Variants in CACNA1C observed in about 807,000 individuals in gnomAD.
CACNA1C encodes calcium voltage-gated channel subunit alpha1 C.
CACNA1C carries 30 observed loss-of-function variants against 229.0 expected under a neutral mutation model. The ratio of observed to expected loss-of-function variants is 0.13; its 90% CI spans 0.10 to 0.18. CACNA1C has a LOEUF of 0.18. Ranked by LOEUF, CACNA1C falls within the 10% of genes least tolerant of loss-of-function variation. CACNA1C has a pLI of 1.00. For synonymous variants in CACNA1C, 1,114 were observed against 1,132.5 expected (o/e 0.98, Z 0.33); for missense variants, 1,658 against 2,845.0 (o/e 0.58, Z 9.49).
At chr12:2,220,620 C>T (rs904670196) in intron 3 of CACNA1C, 9 of 152,230 alleles carry the variant, frequency 5.9e-5, no homozygotes, top group Non-Finnish European at 1.0e-4. Flanking sequence ...CTTGACTCAC[C>T]ATTGTTTGTG....
At chr12:2,182,454 C>A (rs1181435107) in intron 3 of CACNA1C, among the ~76,000 whole-genome samples, 1 of 152,102 alleles carries the variant, frequency 6.6e-6, no homozygotes, top group Non-Finnish European at 1.5e-5. Context: ...AATCCACTCA[C>A]ATTTGTAGCC....
At chr12:2,196,585 C>T (rs2097409956) in intron 3 of CACNA1C, among the ~76,000 whole-genome samples, 1 of 152,198 alleles carries the variant, frequency 6.6e-6, no homozygotes, top group Non-Finnish European at 1.5e-5. Flanking sequence ...ATATGGTTGC[C>T]ATAAATCATA....
At chr12:2,021,140 G>A (rs2046372811) in intron 1 of CACNA1C, among the ~76,000 whole-genome samples, 1 of 152,254 alleles carries the variant, frequency 6.6e-6, no homozygotes, top group South Asian at 2.1e-4. Flanking sequence ...CTTTTTGCTA[G>A]GTAATAATAA....
Position 2,106,212 on chromosome 12 carries a change from T to C in CACNA1C, c.50-9012T>C, listed in dbSNP as rs1230089732. Among the ~76,000 whole-genome samples the C allele has an allele frequency of 2.7e-3, 75 of 27,398 alleles. 2 individuals are homozygous for C. Among genetic ancestry groups the C allele is most frequent in the Admixed American group, 4.2e-3 (10 of 2,396 alleles). 18.0% of individuals were successfully genotyped at this position (27,398 alleles called of 152,430 possible). A position where few individuals can be genotyped will look rare whatever the true frequency, so the allele number is the denominator to read the frequency against. ...AGCTGGGCGTCCTGAAGCCACTGGG[T>C]GCCCACCCCGGAGAGGGTTTCCACC... On this transcript the variant is annotated intron_variant, in intron 1 of 46. Transcript: ENST00000399655.
chr12:2,049,204 G>A (rs2051656362), upstream of CACNA1C: 1 of 152,228 alleles, frequency 6.6e-6, no homozygotes, highest in Non-Finnish European at 1.5e-5. Flanking sequence ...AAGACTGCTA[G>A]GGTTCAAATC....
At chr12:2,496,209 A>G (rs2099746481) in intron 7 of CACNA1C, among the ~76,000 whole-genome samples, 1 of 152,202 alleles carries the variant, frequency 6.6e-6, no homozygotes, top group Non-Finnish European at 1.5e-5. Flanking sequence ...AAAACGCTGG[A>G]AATCTAACCT....
chr12:2,138,255 AC>A (rs1327061512), intron 3 of CACNA1C, among the ~76,000 whole-genome samples: 1 of 151,266 alleles, frequency 6.6e-6, no homozygotes, highest in Non-Finnish European at 1.5e-5. Flanking sequence ...TCACGTCTGC[AC>A]CGAGGCTTCA....
chr12:2,004,149 T>A, intron 1 of CACNA1C: 2 of 1,237,882 alleles, frequency 1.6e-6, no homozygotes, highest in Non-Finnish European at 2.2e-6. Context: ...AACTTCGGCC[T>A]CAGTCCCCAG....
intron 5 of CACNA1C, among the ~76,000 whole-genome samples, chr12:2,482,192 C>T (rs373615644): frequency 1.5e-4 from 23 of 152,350 alleles, no homozygotes; most frequent in Middle Eastern, 3.4e-3. Context: ...CAGATGGAAG[C>T]GAGAGCCTTT....
chr12:2,264,844 A>G (rs1476672276), intron 3 of CACNA1C, among the ~76,000 whole-genome samples: 1 of 152,134 alleles, frequency 6.6e-6, no homozygotes, highest in African/African-American at 2.4e-5. Flanking sequence ...AGTTAGTTCC[A>G]TCCCAAGTTC....
At chr12:2,664,114 A>G (rs1285906504) in intron 34 of CACNA1C, among the ~76,000 whole-genome samples, 1 of 152,238 alleles carries the variant, frequency 6.6e-6, no homozygotes, top group Non-Finnish European at 1.5e-5. Flanking sequence ...AAACATGAAC[A>G]TGCAATTTAA....
rs2051062355 is a variant in CACNA1C, at chr12:2,566,640, CA to C, written c.1669+59del. ...CTCCTGGTAACTCAGCCCCAAGGCCCAGGGGAGGGCATAACCACAGGCAGAA... is the reference window on the plus strand; with the variant it reads ...CTCCTGGTAACTCAGCCCCAAGGCCCGGGGAGGGCATAACCACAGGCAGAA... On this transcript the variant is annotated intron_variant, in intron 12 of 46. Transcript: ENST00000399655. The surrounding 1 kb of genome is among the most constrained non-coding windows in gnomAD (Gnocchi z 4.0). 4.9e-6 allele frequency: 7 copies of C among 1,425,510 alleles called. No homozygotes were observed. Among genetic ancestry groups the C allele is most frequent in the East Asian group, 2.5e-5 (1 of 39,924 alleles). 88.3% of individuals were successfully genotyped at this position (1,425,510 alleles called of 1,614,324 possible).
chr12:1,980,911 T>A (rs1184821638), intron 1 of CACNA1C, among the ~76,000 whole-genome samples: 1 of 151,882 alleles, frequency 6.6e-6, no homozygotes, highest in African/African-American at 2.4e-5. Context: ...AATCACAATA[T>A]CTCAATAAGC....
intron 34 of CACNA1C, among the ~76,000 whole-genome samples, chr12:2,659,172 G>A (rs1426958059): frequency 2.0e-5 from 3 of 152,058 alleles, no homozygotes; most frequent in Non-Finnish European, 4.4e-5. Flanking sequence ...GCCCCACCCA[G>A]AACAACTTTC....
intron 1 of CACNA1C, among the ~76,000 whole-genome samples, chr12:1,996,655 A>AAAAAAAAAAT (rs2040966838): frequency 4.0e-5 from 1 of 24,918 alleles, no homozygotes; most frequent in Non-Finnish European, 7.3e-5. Context: ...AAAAAAAAAA[A>AAAAAAAAAAT]CAACAAACTC....
chr12:2,013,123 C>T (rs79781776), intron 1 of CACNA1C, among the ~76,000 whole-genome samples: 2,481 of 152,260 alleles, frequency 0.016, 69 homozygotes, highest in African/African-American at 0.055. Flanking sequence ...CAAAGAAACC[C>T]GTCTCAATCT....
chr12:2,321,416 A>G (rs991950169), intron 3 of CACNA1C, among the ~76,000 whole-genome samples: 3 of 151,956 alleles, frequency 2.0e-5, no homozygotes, highest in Admixed American at 1.3e-4. Context: ...CGTAGGGCTG[A>G]TGGGATGATT....
intron 3 of CACNA1C, among the ~76,000 whole-genome samples, chr12:2,207,890 G>A (rs550459232): frequency 1.8e-4 from 28 of 152,284 alleles, no homozygotes; most frequent in Admixed American, 1.4e-3. Flanking sequence ...TGACTTTCGG[G>A]AAAGTCTTAT....
rs1378805642 is a variant in CACNA1C at position 2,447,274 on chromosome 12, A to G, written c.478-1702A>G. On this transcript the variant is annotated intron_variant, in intron 3 of 46. Coordinates refer to ENST00000399655, the MANE Select transcript of CACNA1C (RefSeq NM_000719.7). Reference sequence around the variant, plus strand: ...ACGTCCTGTGATTTGTTTGTGGTTCACAACCCCAAGGCAGCTGCCTCCCTA... The same window carrying G: ...ACGTCCTGTGATTTGTTTGTGGTTCGCAACCCCAAGGCAGCTGCCTCCCTA... 2.0e-5 allele frequency among the ~76,000 whole-genome samples: 3 copies of G among 152,180 alleles called. No individual in the cohort carries two copies. In the South Asian group the frequency reaches 6.2e-4, roughly 32 times the overall value.
Sources: allele counts gnomAD v4.1 joint callset (sites outside exome capture counted in the v4.1 genomes callset), GRCh38; gene constraint gnomAD v4.1.1; non-coding constraint Gnocchi (gnomAD v3.1); transcripts MANE v1.5; gene names NCBI Gene and HGNC (gene_info 2026-07-23, HGNC 2026-07-21).